Variants in CFAP20DC observed in about 807,000 individuals in gnomAD.
The protein encoded by CFAP20DC is CFAP20 domain containing.
In CFAP20DC, 84 loss-of-function variants were observed where a neutral mutation model predicts 101.7. That is an observed-to-expected ratio of 0.83 (90% confidence interval 0.69 to 0.99). CFAP20DC has a LOEUF of 0.99. CFAP20DC is among the 50% of genes least tolerant of loss of function. CFAP20DC has a pLI of 0.00. For missense variants in CFAP20DC, 1,007 were observed against 970.3 expected (o/e 1.04, Z -0.50); for synonymous variants, 359 against 351.2 (o/e 1.02, Z -0.25).
At chr3:58,720,162 T>C (rs886698404) in intron 3 of CFAP20DC, among the ~76,000 whole-genome samples, 1 of 152,222 alleles carries the variant, frequency 6.6e-6, no homozygotes, top group African/African-American at 2.4e-5. Context: ...CACGTGTTTA[T>C]TGGATTCCCC....
rs377586533 is a variant in CFAP20DC, at chr3:58,858,685, TA to T, written c.1593+4872del. On this transcript the variant is annotated intron_variant, in intron 12 of 16. Transcript: ENST00000482387. ...TTATGTAAAAGTCTTAAAAATTCTG[TA>T]AAAAAACACATCTGCAATATTCAAA... Among the ~76,000 whole-genome samples the T allele has an allele frequency of 4.5e-3, 690 of 152,186 alleles. 5 individuals are homozygous for T. The highest frequency in any genetic ancestry group is 0.016 in the African/African-American group (673 of 41,476).
In CFAP20DC at chr3:58,958,027, C is replaced by T. The variant is rs139561647; in HGVS notation, c.279-20265G>A. Among the ~76,000 whole-genome samples the T allele has an allele frequency of 2.7e-3, 409 of 152,144 alleles. 1 individual carries two copies. Among genetic ancestry groups the T allele is most frequent in the African/African-American group, 9.3e-3 (385 of 41,510 alleles). On this transcript the variant is annotated intron_variant, in intron 4 of 16. Coordinates refer to ENST00000482387, the MANE Select transcript of CFAP20DC (RefSeq NM_001394063.1). ...ATTATTTGTAAAACAAAAGATAATG[C>T]TTGAGAGGATAAATAACCTAGTTTC...
chr3:58,942,585 A>C lies in CFAP20DC; in HGVS notation c.279-4823T>G, dbSNP rs151022632. Among the ~76,000 whole-genome samples, 355 of 152,332 alleles carry C rather than the reference A, an allele frequency of 2.3e-3. 3 individuals carry two copies. The highest frequency in any genetic ancestry group is 8.4e-3 in the African/African-American group (349 of 41,586). On this transcript the variant is annotated intron_variant, in intron 4 of 16. Transcript: ENST00000482387. ...CCATGGTCTTTGCAACCCACAAACC[A>C]GGAAATTCCCTCAGGTGCCTACACC... is the stretch of plus-strand genomic sequence containing the variant.
Position 58,807,271 on chromosome 3 carries a change from G to T in CFAP20DC, c.2176-815C>A, listed in dbSNP as rs188393619. Among the ~76,000 whole-genome samples, 685 of 152,292 alleles carry T rather than the reference G, an allele frequency of 4.5e-3. 5 individuals are homozygous for T. The highest frequency in any genetic ancestry group is 0.016 in the African/African-American group (647 of 41,550). On this transcript the variant is annotated intron_variant, in intron 14 of 16. Coordinates refer to ENST00000482387, the MANE Select transcript of CFAP20DC (RefSeq NM_001394063.1). ...ATGGGCAGACTGCCTCCTCAAGTGG[G>T]TCCCTGACCCCTGACCTCCAAGCAG...
chr3:58,726,228 G>A (rs1288316899), intron 3 of CFAP20DC: 1 of 152,188 alleles, frequency 6.6e-6, no homozygotes, highest in Non-Finnish European at 1.5e-5. Context: ...ACTATATAGG[G>A]TAAATCATTG....
Position 58,912,847 on chromosome 3 carries a change from C to A in CFAP20DC, c.550+861G>T, listed in dbSNP as rs1480672301. On this transcript the variant is annotated intron_variant, in intron 6 of 16. Transcript: ENST00000482387. This position sits in a 1 kb window ranked among gnomAD's most constrained non-coding sequence, Gnocchi z 4.4. ...TCAACTCTTTCCATTTTAACTTGAT[C>A]ACTAGAAAATTAATATGATTTCTCC... 3 of 419,252 alleles carry A rather than the reference C, an allele frequency of 7.2e-6. No individual in the cohort carries two copies. The highest frequency in any genetic ancestry group is 2.1e-5 in the African/African-American group (1 of 48,238). The allele number at this position is 419,252 out of a possible 1,614,324, so 26.0% of individuals were successfully genotyped here.
At chr3:59,042,707 T>C (rs1390742254) in intron 3 of CFAP20DC, among the ~76,000 whole-genome samples, 3 of 152,164 alleles carry the variant, frequency 2.0e-5, no homozygotes, top group African/African-American at 7.2e-5. Flanking sequence ...AGTATTACTC[T>C]GGCTGCTAAT....
chr3:58,834,144 T>A (rs1251906117), intron 13 of CFAP20DC, among the ~76,000 whole-genome samples: 2 of 152,198 alleles, frequency 1.3e-5, no homozygotes, highest in Non-Finnish European at 2.9e-5. Context: ...ATCTTGTGAA[T>A]ATACTAAGAA....
intron 15 of CFAP20DC, among the ~76,000 whole-genome samples, chr3:58,776,686 T>G (rs954814959): frequency 8.6e-5 from 13 of 151,058 alleles, no homozygotes; most frequent in Non-Finnish European, 1.8e-4. Context: ...ATATACATGT[T>G]AATTAACTGT....
chr3:58,900,939 T>TA (rs1415017131), intron 6 of CFAP20DC, among the ~76,000 whole-genome samples: 7 of 152,222 alleles, frequency 4.6e-5, no homozygotes, highest in African/African-American at 1.7e-4. Flanking sequence ...CTTTATGTAT[T>TA]AAAAATCATC....
At chr3:58,934,951 G>T (rs2087313086) in intron 5 of CFAP20DC, among the ~76,000 whole-genome samples, 1 of 152,094 alleles carries the variant, frequency 6.6e-6, no homozygotes, top group Admixed American at 6.6e-5. Context: ...GGAAATAAGG[G>T]GTATTCCATT....
intron 5 of CFAP20DC, among the ~76,000 whole-genome samples, chr3:58,926,766 T>C (rs1003423815): frequency 1.3e-5 from 2 of 152,114 alleles, no homozygotes; most frequent in Non-Finnish European, 2.9e-5. Flanking sequence ...TCCTAAAGAG[T>C]AATTTTATCC....
chr3:58,987,168 T>C (rs1004819062), intron 4 of CFAP20DC, among the ~76,000 whole-genome samples: 16 of 152,208 alleles, frequency 1.1e-4, no homozygotes, highest in African/African-American at 3.8e-4. Context: ...ATGGATGGGA[T>C]ACAACTGGAG....
At chr3:58,890,322 C>G (rs2082069847) in intron 6 of CFAP20DC, among the ~76,000 whole-genome samples, 1 of 144,922 alleles carries the variant, frequency 6.9e-6, no homozygotes, top group Non-Finnish European at 1.5e-5. Flanking sequence ...ACCCCCCCAC[C>G]TCCCTCCCGG....
chr3:58,972,363 T>C (rs781163393), intron 4 of CFAP20DC, among the ~76,000 whole-genome samples: 39 of 152,168 alleles, frequency 2.6e-4, no homozygotes, highest in Non-Finnish European at 4.1e-4. Context: ...CTCAATGCTA[T>C]AATATAAAAG....
At chr3:58,855,021 A>G (rs2078637897) in intron 12 of CFAP20DC, among the ~76,000 whole-genome samples, 1 of 146,628 alleles carries the variant, frequency 6.8e-6, no homozygotes, top group Non-Finnish European at 1.5e-5. Flanking sequence ...CTGCACAGCA[A>G]AAGAAACTAC....
At chr3:58,810,581 A>C (rs1048201861) in intron 14 of CFAP20DC, among the ~76,000 whole-genome samples, 9 of 151,272 alleles carry the variant, frequency 5.9e-5, no homozygotes, top group South Asian at 4.2e-4. Context: ...TCTATGACAA[A>C]CCCACAGCCA....
At chr3:58,907,322 C>A (rs1291121420) in intron 6 of CFAP20DC, among the ~76,000 whole-genome samples, 1 of 152,164 alleles carries the variant, frequency 6.6e-6, no homozygotes, top group African/African-American at 2.4e-5. Context: ...GGGGCAAGTG[C>A]TCCAGACTCT....
In CFAP20DC at chr3:58,722,931, A is replaced by G. The variant is rs978926165; in HGVS notation, c.198-5303T>C. ...TCTTTACCTTGTCAATTTTGGTAAC[A>G]TGCAGCTGCCACATTCATGAGCACA... On this transcript the variant is annotated intron_variant, in intron 3 of 3. Coordinates refer to the CFAP20DC transcript ENST00000486145. The surrounding 1 kb of genome is among the most constrained non-coding windows in gnomAD (Gnocchi z 4.5). Among the ~76,000 whole-genome samples the G allele has an allele frequency of 3.9e-5, 6 of 152,230 alleles. No individual in the cohort carries two copies. Among genetic ancestry groups the G allele is most frequent in the East Asian group, 3.8e-4 (2 of 5,204 alleles).
Sources: allele counts gnomAD v4.1 joint callset (sites outside exome capture counted in the v4.1 genomes callset), GRCh38; gene constraint gnomAD v4.1.1; non-coding constraint Gnocchi (gnomAD v3.1); transcripts MANE v1.5; gene names NCBI Gene and HGNC (gene_info 2026-07-23, HGNC 2026-07-21).